PACSIN2: variants seen among roughly 807,000 people sequenced by gnomAD.
PACSIN2 encodes the protein protein kinase C and casein kinase substrate in neurons protein 2.
PACSIN2 carries 25 observed loss-of-function variants against 63.8 expected under a neutral mutation model. That is an observed-to-expected ratio of 0.39 (90% CI 0.29 to 0.55). The LOEUF is 0.55. Ranked by LOEUF, PACSIN2 falls within the 20% of genes least tolerant of loss-of-function variation. PACSIN2 has a pLI of 0.62. For synonymous variants in PACSIN2, 255 were observed against 256.2 expected (o/e 1.00, Z 0.05); for missense variants, 518 against 646.9 (o/e 0.80, Z 2.16).
chr22:43,010,606 AG>A (rs1924424872), intron 1 of PACSIN2, among the ~76,000 whole-genome samples: 1 of 152,030 alleles, frequency 6.6e-6, no homozygotes, highest in Non-Finnish European at 1.5e-5. Context: ...GCTACTTGGG[AG>A]GCTGAGGCAG....
chr22:42,872,264 C>T (rs77923201), intron 10 of PACSIN2, among the ~76,000 whole-genome samples: 12,130 of 152,212 alleles, frequency 0.08, 647 homozygotes, highest in Non-Finnish European at 0.12. Context: ...CCAGGTCTGG[C>T]ATTTGCCAGG....
chr22:42,956,827 C>T (rs1933936033), intron 1 of PACSIN2, among the ~76,000 whole-genome samples: 1 of 152,112 alleles, frequency 6.6e-6, no homozygotes, highest in Non-Finnish European at 1.5e-5. Flanking sequence ...TCTTTCTCAT[C>T]TTTAAATCTC....
chr22:42,941,687 A>G (rs559525771), intron 1 of PACSIN2, among the ~76,000 whole-genome samples: 15 of 152,304 alleles, frequency 9.8e-5, no homozygotes, highest in Middle Eastern at 3.4e-3. Context: ...TTTGTATACT[A>G]TCTTTGAAGA....
intron 1 of PACSIN2, among the ~76,000 whole-genome samples, chr22:43,006,703 T>TA (rs1231614677): frequency 6.6e-6 from 1 of 151,980 alleles, no homozygotes; most frequent in African/African-American, 2.4e-5. Flanking sequence ...TAATCCCAGC[T>TA]ACTTGGGAGG....
chr22:42,926,511 G>A (rs1458461548), intron 1 of PACSIN2, among the ~76,000 whole-genome samples: 3 of 152,152 alleles, frequency 2.0e-5, no homozygotes, highest in Non-Finnish European at 4.4e-5. Flanking sequence ...ACAGTGGGAG[G>A]AAGGGGAATC....
At chr22:42,976,671 T>G (rs558516449) in intron 1 of PACSIN2, among the ~76,000 whole-genome samples, 1 of 152,394 alleles carries the variant, frequency 6.6e-6, no homozygotes, top group East Asian at 1.9e-4. Flanking sequence ...GGTTTTCTTT[T>G]TAATGTGATA....
intron 1 of PACSIN2, among the ~76,000 whole-genome samples, chr22:43,007,884 A>G (rs1275950411): frequency 6.6e-6 from 1 of 152,094 alleles, no homozygotes; most frequent in African/African-American, 2.4e-5. Flanking sequence ...CCTTCCACCC[A>G]CAGATGCTCC....
At chr22:43,011,458 C>T (rs5759091) in intron 1 of PACSIN2, among the ~76,000 whole-genome samples, 92,726 of 152,054 alleles carry the variant, frequency 0.61, 28,889 homozygotes, top group East Asian at 0.8. Context: ...CCACTGCGAA[C>T]TCTAAACACA....
In PACSIN2 at chr22:42,992,281, G is replaced by T. The variant is rs375809364; in HGVS notation, c.-78+22740C>A. On this transcript the variant is annotated intron_variant, in intron 1 of 10. Transcript: ENST00000263246. ...AAAAGACTACATGTACCAAGTGTTG[G>T]TGAGGATGTGGGGGAACTAGAACCC... 3.9e-5 allele frequency among the ~76,000 whole-genome samples: 6 copies of T among 152,312 alleles called. No homozygotes were observed. In the South Asian group the frequency reaches 6.2e-4, roughly 16 times the overall value.
In PACSIN2 at chr22:42,871,367, G is replaced by A. The variant is rs368440149; in HGVS notation, c.1451C>T (p.Ala484Val). Reference sequence around the variant, plus strand: ...CCTGTCCCCGACTCATCACTGGATCGCCTCCACATAATTTGCCGGGTATAG... The same window carrying A: ...CCTGTCCCCGACTCATCACTGGATCACCTCCACATAATTTGCCGGGTATAG... ...VGLYPANYVE[A>V]IQ The change falls in exon 11 of 11, where the codon GCG becomes GTG. Residue 484 changes from alanine to valine, a missense_variant. Ala to Val is a moderately conservative substitution (Grantham distance 64). Transcript: ENST00000263246. The surrounding 1 kb of genome is among the most constrained non-coding windows in gnomAD (Gnocchi z 5.4). 38 of 1,610,606 alleles carry A rather than the reference G, an allele frequency of 2.4e-5. No homozygotes were observed. The highest frequency in any genetic ancestry group is 7.7e-5 in the South Asian group (7 of 91,032).
At chr22:42,965,519 A>G (rs1601586908) in intron 1 of PACSIN2, among the ~76,000 whole-genome samples, 1 of 152,236 alleles carries the variant, frequency 6.6e-6, no homozygotes, top group Non-Finnish European at 1.5e-5. Flanking sequence ...CTTCCTTCCT[A>G]CCCAGCGTCT....
chr22:42,890,004 CTT>C (rs573073554), intron 4 of PACSIN2, among the ~76,000 whole-genome samples: 12 of 136,976 alleles, frequency 8.8e-5, no homozygotes, highest in Admixed American at 2.2e-4. Context: ...GCCAAAGGGA[CTT>C]TTTTTTTTTT....
At position 42,871,165 on chromosome 22, in the gene PACSIN2, T is replaced by A; in HGVS notation, c.*192A>T. The stretch of plus-strand genomic sequence containing the variant: ...TGTTCTGCGTCTTCCTGCGCTCAGA[T>A]CCCTCCAGCTGCACTCGGAAAGGTG... On this transcript the variant is annotated 3_prime_UTR_variant, in exon 11 of 11. Coordinates refer to ENST00000263246, the MANE Select transcript of PACSIN2 (RefSeq NM_001184970.3). The surrounding 1 kb of genome is among the most constrained non-coding windows in gnomAD (Gnocchi z 5.4). 1.7e-6 allele frequency: 1 copy of A among 605,074 alleles called. No individual in the cohort carries two copies. Among genetic ancestry groups the A allele is most frequent in the Non-Finnish European group, 3.0e-6 (1 of 336,836 alleles). 37.5% of individuals were successfully genotyped at this position (605,074 alleles called of 1,614,324 possible).
intron 5 of PACSIN2, among the ~76,000 whole-genome samples, chr22:42,885,904 A>G (rs1929440370): frequency 6.6e-6 from 1 of 152,054 alleles, no homozygotes; most frequent in Non-Finnish European, 1.5e-5. Context: ...CTATTCCCCT[A>G]TTCCCCACAG....
intron 1 of PACSIN2, among the ~76,000 whole-genome samples, chr22:43,012,209 A>T (rs1924546686): frequency 6.7e-6 from 1 of 149,224 alleles, no homozygotes; most frequent in Non-Finnish European, 1.5e-5. Flanking sequence ...ATACAAACAT[A>T]CAAAAACTAG....
At chr22:42,887,856 A>G (rs1301507114) in intron 5 of PACSIN2, among the ~76,000 whole-genome samples, 1 of 152,158 alleles carries the variant, frequency 6.6e-6, no homozygotes, top group Non-Finnish European at 1.5e-5. Context: ...CAGAAATGGA[A>G]GGGCACCCAT....
intron 1 of PACSIN2, among the ~76,000 whole-genome samples, chr22:42,996,015 T>C (rs141025735): frequency 0.026 from 3,935 of 151,564 alleles, 171 homozygotes; most frequent in African/African-American, 0.091. Context: ...GGTCAGGAGA[T>C]CAAGACCATC....
At chr22:42,933,513 G>C (rs1045266699) in intron 1 of PACSIN2, among the ~76,000 whole-genome samples, 4 of 152,198 alleles carry the variant, frequency 2.6e-5, no homozygotes, top group Non-Finnish European at 2.9e-5. Flanking sequence ...GGGGACCAAA[G>C]AACCAAGGGT....
intron 10 of PACSIN2, among the ~76,000 whole-genome samples, chr22:42,875,353 T>G (rs997238300): frequency 6.6e-6 from 1 of 152,060 alleles, no homozygotes; most frequent in Non-Finnish European, 1.5e-5. Context: ...AGGATCTCGC[T>G]CTGTTGCCCA....
Sources: allele counts gnomAD v4.1 joint callset (sites outside exome capture counted in the v4.1 genomes callset), GRCh38; gene constraint gnomAD v4.1.1; non-coding constraint Gnocchi (gnomAD v3.1); transcripts MANE v1.5; gene names NCBI Gene and HGNC (gene_info 2026-07-23, HGNC 2026-07-21).